The following PTPRD variants were observed in gnomAD, a reference collection of about 807,000 sequenced individuals.
PTPRD encodes protein tyrosine phosphatase receptor type D, also known as receptor-type tyrosine-protein phosphatase delta.
PTPRD carries 34 observed loss-of-function variants against 214.5 expected under a neutral mutation model. The observed-to-expected ratio is 0.16, with a 90% CI of 0.12 to 0.21. PTPRD has a LOEUF of 0.21. Ranked by LOEUF, PTPRD falls within the 10% of genes least tolerant of loss-of-function variation. The pLI is 1.00. For synonymous variants in PTPRD, 1,128 were observed against 845.7 expected, an observed-to-expected ratio of 1.33 and a Z score of -5.79; for missense variants, 2,545 against 2,398.7, an observed-to-expected ratio of 1.06 and a Z score of -1.27.
chr9:10,208,386 C>T (rs919155248), intron 3 of PTPRD, among the ~76,000 whole-genome samples: 34 of 151,670 alleles, frequency 2.2e-4, no homozygotes, highest in African/African-American at 6.3e-4. Flanking sequence ...TGGTGGCGGG[C>T]GCCTGTAGTC....
intron 39 of PTPRD, among the ~76,000 whole-genome samples, chr9:8,342,878 T>G (rs1286082651): frequency 1.3e-5 from 2 of 152,134 alleles, no homozygotes; most frequent in African/African-American, 2.4e-5. Context: ...ATTAGTTTTG[T>G]ATATGATGTG....
chr9:9,397,110 C>G (rs2068169071), intron 9 of PTPRD, among the ~76,000 whole-genome samples: 1 of 151,916 alleles, frequency 6.6e-6, no homozygotes, highest in Non-Finnish European at 1.5e-5. Context: ...ACTGGGTATT[C>G]TGCTATCAAT....
chr9:9,049,711 C>T (rs1167737930), intron 10 of PTPRD, among the ~76,000 whole-genome samples: 1 of 152,048 alleles, frequency 6.6e-6, no homozygotes, highest in Non-Finnish European at 1.5e-5. Flanking sequence ...AGGCCCTATA[C>T]CACAGTAGTA....
At chr9:8,527,057 T>C (rs1296334284) in intron 16 of PTPRD, among the ~76,000 whole-genome samples, 1 of 151,976 alleles carries the variant, frequency 6.6e-6, no homozygotes, top group Admixed American at 6.6e-5. Context: ...ATATATACTG[T>C]GATAGGAAAC....
intron 11 of PTPRD, among the ~76,000 whole-genome samples, chr9:8,794,011 A>C (rs906138999): frequency 6.6e-6 from 1 of 152,210 alleles, no homozygotes; most frequent in African/African-American, 2.4e-5. Context: ...ATAGAGTACT[A>C]GGAAACTAAA....
intron 9 of PTPRD, among the ~76,000 whole-genome samples, chr9:9,372,263 T>C (rs1411656047): frequency 6.6e-6 from 1 of 152,158 alleles, no homozygotes; most frequent in Non-Finnish European, 1.5e-5. Flanking sequence ...TCTGTGTAGG[T>C]CACAAAGGAC....
intron 9 of PTPRD, among the ~76,000 whole-genome samples, chr9:9,349,614 G>A (rs2050324592): frequency 6.8e-6 from 1 of 146,786 alleles, no homozygotes; most frequent in Non-Finnish European, 1.5e-5. Flanking sequence ...GTATACTAAA[G>A]TTTGAGAATG....
At chr9:10,392,453 G>T (rs73644446) in intron 2 of PTPRD, among the ~76,000 whole-genome samples, 5,067 of 151,912 alleles carry the variant, frequency 0.033, 288 homozygotes, top group African/African-American at 0.12. Context: ...AAACTCTACT[G>T]CATGAAATGC....
At chr9:10,396,050 C>T (rs140951480) in intron 2 of PTPRD, among the ~76,000 whole-genome samples, 114 of 151,774 alleles carry the variant, frequency 7.5e-4, no homozygotes, top group Admixed American at 2.8e-3. Flanking sequence ...GCCTTTAGAA[C>T]GTTCCAGTTT....
intron 4 of PTPRD, among the ~76,000 whole-genome samples, chr9:9,972,164 T>C (rs963069596): frequency 1.3e-5 from 2 of 152,188 alleles, no homozygotes; most frequent in African/African-American, 2.4e-5. Flanking sequence ...CTTTGAATTA[T>C]GTTATAGCCC....
intron 3 of PTPRD, among the ~76,000 whole-genome samples, chr9:10,107,329 AC>A (rs1183292980): frequency 2.6e-5 from 4 of 152,080 alleles, no homozygotes; most frequent in African/African-American, 4.8e-5. Flanking sequence ...GGAGGCGCCA[AC>A]AAAAATATGA....
chr9:9,158,936 G>A (rs1343344221), intron 10 of PTPRD, among the ~76,000 whole-genome samples: 2 of 152,088 alleles, frequency 1.3e-5, no homozygotes, highest in Admixed American at 6.6e-5. Flanking sequence ...ATACACCACA[G>A]TAACAAAACA....
intron 14 of PTPRD, among the ~76,000 whole-genome samples, chr9:8,603,843 G>A (rs1358346237): frequency 1.3e-5 from 2 of 152,074 alleles, no homozygotes; most frequent in African/African-American, 4.8e-5. Context: ...TAGTTATAGT[G>A]AAATCCCTTA....
Position 8,505,325 on chromosome 9 carries a change from GT to G in PTPRD, c.1678-921del, listed in dbSNP as rs368193442. On this transcript the variant is annotated intron_variant, in intron 22 of 45. Coordinates refer to ENST00000381196, the MANE Select transcript of PTPRD (RefSeq NM_002839.4). ...GTTTGCTATTCACACAAACAAATCA[GT>G]TAAGAAGAATTCAAGGCCGGGCACG... 2.8e-4 allele frequency among the ~76,000 whole-genome samples: 42 copies of G among 152,160 alleles called. No individual in the cohort carries two copies. The South Asian group carries it at 8.5e-3, about 31-fold the overall frequency.
intron 3 of PTPRD, among the ~76,000 whole-genome samples, chr9:10,291,577 C>A (rs2095529357): frequency 6.6e-6 from 1 of 151,966 alleles, no homozygotes; most frequent in Admixed American, 6.6e-5. Flanking sequence ...GAAGATGCTA[C>A]ACTGCTGGCT....
At chr9:9,616,540 A>T (rs1180564871) in intron 7 of PTPRD, among the ~76,000 whole-genome samples, 1 of 152,184 alleles carries the variant, frequency 6.6e-6, no homozygotes, top group African/African-American at 2.4e-5. Context: ...AGATTGAAAT[A>T]AATTCCTAGT....
At chr9:8,805,996 G>GAAA (rs1163893682) in intron 11 of PTPRD, among the ~76,000 whole-genome samples, 1,063 of 93,100 alleles carry the variant, frequency 0.011, 18 homozygotes, top group African/African-American at 0.039. Context: ...CTCCGTCTCA[G>GAAA]AAAAAAAAAA....
At chr9:8,394,517 G>C (rs1357810681) in intron 36 of PTPRD, among the ~76,000 whole-genome samples, 1 of 152,114 alleles carries the variant, frequency 6.6e-6, no homozygotes, top group Non-Finnish European at 1.5e-5. Flanking sequence ...CTCCTGTCTA[G>C]GGCTGCTGGT....
intron 3 of PTPRD, among the ~76,000 whole-genome samples, chr9:10,210,497 G>T (rs944303120): frequency 5.3e-5 from 8 of 151,808 alleles, no homozygotes; most frequent in Non-Finnish European, 8.8e-5. Context: ...AGCTCTTGGG[G>T]TATGGGAAAG....
Sources: allele counts gnomAD v4.1 joint callset (sites outside exome capture counted in the v4.1 genomes callset), GRCh38; gene constraint gnomAD v4.1.1; transcripts MANE v1.5; gene names NCBI Gene and HGNC (gene_info 2026-07-23, HGNC 2026-07-21).